IQGAP2: variants seen among roughly 807,000 people sequenced by gnomAD.
IQGAP2 encodes the protein IQ motif containing GTPase activating protein 2, also known as ras GTPase-activating-like protein IQGAP2.
A neutral mutation model predicts 201.3 loss-of-function variants in IQGAP2; 173 were observed. The ratio of observed to expected loss-of-function variants is 0.86; its 90% CI spans 0.76 to 0.98. The LOEUF (loss-of-function observed/expected upper bound fraction) is 0.98, where lower values mean the gene tolerates loss of function less well. Ranked by LOEUF, IQGAP2 falls within the 50% of genes least tolerant of loss-of-function variation. The pLI is 0.00. For missense variants in IQGAP2, 1,687 were observed against 1,864.8 expected (o/e 0.90, Z 1.76); for synonymous variants, 675 against 673.9 (o/e 1.00, Z -0.03).
At chr5:76,614,149 A>T (rs982455190) in intron 13 of IQGAP2, among the ~76,000 whole-genome samples, 5 of 152,178 alleles carry the variant, frequency 3.3e-5, no homozygotes, top group Non-Finnish European at 5.9e-5. Context: ...AAGGCCTTTC[A>T]TAGGCAGGCA....
Position 76,681,089 on chromosome 5 carries a change from C to CAA in IQGAP2, c.3661-2000_3661-1999dup, listed in dbSNP as rs34896356. On this transcript the variant is annotated intron_variant, in intron 28 of 35. Coordinates refer to ENST00000274364, the MANE Select transcript of IQGAP2 (RefSeq NM_006633.5). Reference sequence around the variant, plus strand: ...TGGGCAGCAGAGCGAGACTTTGTCTCAAAAAAAAAAAAAAAAAAAAAAAAA... The same window carrying CAA: ...TGGGCAGCAGAGCGAGACTTTGTCTCAAAAAAAAAAAAAAAAAAAAAAAAAAA... 9.3e-4 allele frequency among the ~76,000 whole-genome samples: 49 copies of CAA among 52,968 alleles called. 1 individual carries two copies. Among genetic ancestry groups the CAA allele is most frequent in the Middle Eastern group, 0.067 (2 of 30 alleles). 34.7% of individuals were successfully genotyped at this position (52,968 alleles called of 152,430 possible).
At chr5:76,483,651 T>C (rs1434898307) in intron 2 of IQGAP2, among the ~76,000 whole-genome samples, 1 of 152,232 alleles carries the variant, frequency 6.6e-6, no homozygotes, top group Non-Finnish European at 1.5e-5. Flanking sequence ...CCCGGAGCAC[T>C]GCAGTAGGAC....
chr5:76,654,120 G>A (rs987629364), intron 18 of IQGAP2, 80 bp from the exon 19 acceptor site: 40 of 912,932 alleles, frequency 4.4e-5, no homozygotes, highest in East Asian at 5.0e-5. Context: ...ACACAAAACC[G>A]TATTACGGGT....
chr5:76,617,093 G>A (rs895592683), intron 13 of IQGAP2: 3 of 154,542 alleles, frequency 1.9e-5, no homozygotes, highest in African/African-American at 4.8e-5. Context: ...TTTCCATAGA[G>A]TTGTGATATC....
intron 2 of IQGAP2, among the ~76,000 whole-genome samples, chr5:76,535,165 T>A (rs953890609): frequency 3.3e-5 from 5 of 152,084 alleles, no homozygotes; most frequent in African/African-American, 9.7e-5. Context: ...TGGGAGGATT[T>A]TAAGCAGGGT....
chr5:76,693,660 G>A (rs570899851), intron 31 of IQGAP2, among the ~76,000 whole-genome samples: 1 of 152,212 alleles, frequency 6.6e-6, no homozygotes, highest in East Asian at 1.9e-4. Flanking sequence ...AATTCATGCC[G>A]AATATACTTT....
Position 76,637,106 on chromosome 5 carries a change from AAG to A in IQGAP2, c.1858_1859del (p.Ser620PhefsTer6), listed in dbSNP as rs1436369260. ...GACTACTATTACAACACTGATTCAAAAGAGAGTTCCTGGGTCACACCTGAATC... is the reference window on the plus strand; with the variant it reads ...GACTACTATTACAACACTGATTCAAAAGAGTTCCTGGGTCACACCTGAATC... On this transcript the variant is annotated frameshift_variant, in exon 16 of 36. Transcript: ENST00000274364. LOFTEE classifies it high-confidence loss of function. 6.8e-6 allele frequency: 11 copies of A among 1,612,032 alleles called. No homozygotes were observed. Among genetic ancestry groups the A allele is most frequent in the Non-Finnish European group, 9.3e-6 (11 of 1,178,434 alleles).
intron 3 of IQGAP2, among the ~76,000 whole-genome samples, chr5:76,566,169 C>G (rs1473640944): frequency 6.6e-6 from 1 of 151,898 alleles, no homozygotes; most frequent in Non-Finnish European, 1.5e-5. Context: ...GAATAGTGAG[C>G]CAAGCAGACA....
At chr5:76,703,472 C>T (rs898444944) in intron 35 of IQGAP2, among the ~76,000 whole-genome samples, 3 of 151,924 alleles carry the variant, frequency 2.0e-5, no homozygotes, top group Non-Finnish European at 4.4e-5. Flanking sequence ...ATAGTTTTTA[C>T]GTCAATTTAT....
At chr5:76,611,360 G>A (rs1035921128) in intron 13 of IQGAP2, among the ~76,000 whole-genome samples, 177 bp downstream of exon 13, 8 of 152,282 alleles carry the variant, frequency 5.3e-5, no homozygotes, top group African/African-American at 1.7e-4. Context: ...ACATTGGGGG[G>A]AAACCAGCTC....
intron 16 of IQGAP2, among the ~76,000 whole-genome samples, chr5:76,640,124 A>G (rs372694620): frequency 0.017 from 2,651 of 151,540 alleles, 81 homozygotes; most frequent in African/African-American, 0.06. Context: ...AAACAACTGG[A>G]ATCCAGTTAC....
At chr5:76,590,350 T>A in intron 7 of IQGAP2, 58 bp from the exon 8 acceptor site, 2 of 1,364,220 alleles carry the variant, frequency 1.5e-6, no homozygotes, top group Admixed American at 2.2e-5. Context: ...TCAATGCAAC[T>A]GTCCATGTTG....
At chr5:76,426,796 A>G (rs1752026895) in intron 1 of IQGAP2, among the ~76,000 whole-genome samples, 1 of 152,152 alleles carries the variant, frequency 6.6e-6, no homozygotes, top group Non-Finnish European at 1.5e-5. Flanking sequence ...AGGAAGGACA[A>G]GTAGGGGCCC....
chr5:76,592,646 C>G (rs1426423242), intron 8 of IQGAP2, among the ~76,000 whole-genome samples, 192 bp from the exon 9 acceptor site: 1 of 152,128 alleles, frequency 6.6e-6, no homozygotes, highest in Non-Finnish European at 1.5e-5. Context: ...CCGGGTCTGT[C>G]ATTCATCTTT....
At chr5:76,492,887 G>A (rs1047783364) in intron 2 of IQGAP2, among the ~76,000 whole-genome samples, 26 of 152,266 alleles carry the variant, frequency 1.7e-4, no homozygotes, top group Admixed American at 5.9e-4. Flanking sequence ...TAGTTGTCAC[G>A]TTTCTAGTGA....
intron 30 of IQGAP2, 52 bp downstream of exon 30, chr5:76,683,969 T>A: frequency 1.3e-6 from 2 of 1,506,366 alleles, no homozygotes; most frequent in Non-Finnish European, 1.8e-6. Flanking sequence ...TCTTAAATGA[T>A]GCAAATTCAA....
intron 2 of IQGAP2, among the ~76,000 whole-genome samples, chr5:76,520,916 C>T (rs569627168): frequency 1.0e-3 from 159 of 151,472 alleles, no homozygotes; most frequent in Non-Finnish European, 1.9e-3. Context: ...ACCATGCTGG[C>T]CAGGCTGGTC....
rs866068050 is a variant in IQGAP2, at chr5:76,702,235, A to G, written c.4506-247A>G. ...TTGAAGAGCAAGGACCGTATCTTCT[A>G]TTTCTTTTGTAATAAAGCACCTATG... On this transcript the variant is annotated intron_variant, in intron 34 of 35. Coordinates refer to ENST00000274364, the MANE Select transcript of IQGAP2 (RefSeq NM_006633.5). Among the ~76,000 whole-genome samples the G allele has an allele frequency of 2.0e-5, 3 of 152,268 alleles. No homozygotes were observed. The South Asian group carries it at 6.2e-4, about 32-fold the overall frequency.
At position 76,674,466 on chromosome 5, in the gene IQGAP2, C is replaced by T. The variant is rs768155006; in HGVS notation, c.3295-11C>T. ...TCTTAAAAATGGTCATGCACTTCTG[C>T]GTCACTCCAGATTGTTGGAAACCTC... On this transcript the variant is annotated splice_polypyrimidine_tract_variant and intron_variant, in intron 26 of 35. Coordinates refer to ENST00000274364, the MANE Select transcript of IQGAP2 (RefSeq NM_006633.5). 18 of 1,561,990 alleles carry T rather than the reference C, an allele frequency of 1.2e-5. No homozygotes were observed. The highest frequency in any genetic ancestry group is 1.7e-4 in the Middle Eastern group (1 of 5,982).
Sources: gnomAD v4.1 joint callset for allele counts (sites outside exome capture counted in the v4.1 genomes callset) on GRCh38, gnomAD v4.1.1 for gene constraint, MANE v1.5 for transcripts, NCBI Gene and HGNC (gene_info 2026-07-23, HGNC 2026-07-21) for gene names.